Variants in NAGPA observed in about 807,000 individuals in gnomAD.
The protein encoded by NAGPA is N-acetylglucosamine-1-phosphodiester alpha-N-acetylglucosaminidase, also known as alpha-N-acetylglucosaminyl phosphodiesterase.
In NAGPA, 56 loss-of-function variants were observed where a neutral mutation model predicts 48.5. That is an observed-to-expected ratio of 1.15 (90% CI 0.93 to 1.44). The LOEUF (loss-of-function observed/expected upper bound fraction) is 1.44, where lower values mean the gene tolerates loss of function less well. Among genes scored for constraint, NAGPA ranks in the 40% most tolerant of loss-of-function variants. The pLI is 0.00. For missense variants in NAGPA, 888 were observed against 735.0 expected (o/e 1.21, Z -2.41); for synonymous variants, 399 against 315.5 (o/e 1.26, Z -2.81).
At chr16:5,028,723 G>T in intron 5 of NAGPA, 157 bp downstream of exon 5, 1 of 1,141,286 alleles carries the variant, frequency 8.8e-7, no homozygotes, top group Non-Finnish European at 1.3e-6. Context: ...TCCTAGGCCT[G>T]GGTAGTACTG....
chr16:5,025,953 G>A (rs1219464175), intron 9 of NAGPA, among the ~76,000 whole-genome samples: 1 of 148,378 alleles, frequency 6.7e-6, no homozygotes, highest in African/African-American at 2.5e-5. Flanking sequence ...TTTTGAGACA[G>A]AGTCTCGCCC....
chr16:5,033,156 C>G lies in NAGPA; in HGVS notation c.542+117G>C. 8.4e-7 allele frequency: 1 copy of G among 1,195,648 alleles called. No individual in the cohort carries two copies. Among genetic ancestry groups the G allele is most frequent in the Non-Finnish European group, 1.2e-6 (1 of 841,608 alleles). The allele number at this position is 1,195,648 out of a possible 1,614,324, so 74.1% of individuals were successfully genotyped here. On this transcript the variant is annotated intron_variant, in intron 2 of 9. Coordinates refer to ENST00000312251, the MANE Select transcript of NAGPA (RefSeq NM_016256.4). The surrounding 1 kb of genome is among the most constrained non-coding windows in gnomAD (Gnocchi z 4.2). ...CAAGGAAGCGATTCCTATCCCCATT[C>G]TGCAGAGGAGGAAACAGGGGCTCAG...
In NAGPA at chr16:5,027,324, G is replaced by C. The variant is rs779219438; in HGVS notation, c.1230C>G (p.His410Gln). 1.9e-6 allele frequency: 3 copies of C among 1,614,200 alleles called. No individual in the cohort carries two copies. The Admixed American group carries it at 5.0e-5, about 27-fold the overall frequency. ...PGCQRPCKCE[H>Q]HCPCDPKTGN... ...CAGTCTTGGGGTCACAGGGACAATGGTGCTCACACTTACAAGGCCTCTGGC... is the reference window on the plus strand; with the variant it reads ...CAGTCTTGGGGTCACAGGGACAATGCTGCTCACACTTACAAGGCCTCTGGC... Residue 410 changes from histidine (H) to glutamine (Q), a missense_variant, in exon 8 of 10, where the codon CAC becomes CAG. Physicochemically the swap from His to Gln is conservative, Grantham distance 24. Transcript: ENST00000312251.
chr16:5,032,419 G>A (rs577035722), intron 2 of NAGPA, among the ~76,000 whole-genome samples: 44 of 152,262 alleles, frequency 2.9e-4, no homozygotes, highest in Admixed American at 1.8e-3. Context: ...ACTTTGGGAG[G>A]CTGAGGTGGG....
intron 4 of NAGPA, 26 bp downstream of exon 4, chr16:5,030,359 G>A (rs756367160): frequency 2.1e-5 from 32 of 1,541,072 alleles, no homozygotes; most frequent in South Asian, 3.6e-5. Flanking sequence ...AGCCCCGGCC[G>A]GGGGGCCTCA....
rs1344784742 is a variant in NAGPA, at chr16:5,033,693, G to A, written c.122C>T (p.Pro41Leu). 1 of 1,599,838 alleles carries A rather than the reference G, an allele frequency of 6.3e-7. No individual in the cohort carries two copies. The highest frequency in any genetic ancestry group is 8.5e-7 in the Non-Finnish European group (1 of 1,176,996). Reference protein sequence around the residue: ...SRDDDLLLPYPRARARLPRDC... With the variant: ...SRDDDLLLPYLRARARLPRDC... ...CCGGGGGAGGCGCGCGCGCGCGCGTGGATAGGGCAGTAGCAAGTCGTCGTC... is the reference window on the plus strand; with the variant it reads ...CCGGGGGAGGCGCGCGCGCGCGCGTAGATAGGGCAGTAGCAAGTCGTCGTC... Residue 41 changes from proline to leucine, a missense_variant, in exon 2 of 10, where the codon CCA (proline) becomes CTA (leucine). Coordinates refer to ENST00000312251, the MANE Select transcript of NAGPA (RefSeq NM_016256.4). This position sits in a 1 kb window ranked among gnomAD's most constrained non-coding sequence, Gnocchi z 4.2.
intron 5 of NAGPA, chr16:5,028,514 C>T (rs1326789010): frequency 4.5e-5 from 27 of 604,900 alleles, no homozygotes; most frequent in South Asian, 3.4e-4. Context: ...GGATTCCAGG[C>T]GTGAGCCCCT....
At chr16:5,030,174 G>A (rs1415490443) in intron 4 of NAGPA, 2 of 609,442 alleles carry the variant, frequency 3.3e-6, no homozygotes, top group Non-Finnish European at 5.8e-6. Context: ...CAGGAAAGGT[G>A]AGGCCTAAAG....
chr16:5,031,637 G>C (rs1259418684), intron 3 of NAGPA, 108 bp downstream of exon 3: 30 of 1,471,056 alleles, frequency 2.0e-5, no homozygotes, highest in Non-Finnish European at 2.6e-5. Flanking sequence ...AATAGTGCTG[G>C]GCACAAAGTA....
Position 5,027,337 on chromosome 16 carries a change from CAAGG to C in NAGPA, c.1213_1216del (p.Pro405ValfsTer21). 1 of 1,614,174 alleles carries C rather than the reference CAAGG, an allele frequency of 6.2e-7. No individual in the cohort carries two copies. The highest frequency in any genetic ancestry group is 8.5e-7 in the Non-Finnish European group (1 of 1,180,036). On this transcript the variant is annotated frameshift_variant, in exon 8 of 10. Coordinates refer to ENST00000312251, the MANE Select transcript of NAGPA (RefSeq NM_016256.4). LOFTEE classifies it high-confidence loss of function. ...ACAGGGACAATGGTGCTCACACTTA[CAAGG>C]CCTCTGGCAGCCCGGCCCATGCCAG...
intron 3 of NAGPA, 189 bp from the exon 4 acceptor site, chr16:5,030,682 A>C: frequency 1.5e-6 from 1 of 648,450 alleles, no homozygotes; most frequent in Non-Finnish European, 2.8e-6. Flanking sequence ...CTCTTCTTAC[A>C]GGTAAACCAA....
intron 9 of NAGPA, 84 bp from the exon 10 acceptor site, chr16:5,025,769 C>T (rs527490465): frequency 2.5e-5 from 35 of 1,395,864 alleles, no homozygotes; most frequent in East Asian, 7.5e-5. Context: ...TCCCTCTACC[C>T]GGCATAGATA....
chr16:5,029,070 T>C, intron 4 of NAGPA, 62 bp from the exon 5 acceptor site: 1 of 1,603,228 alleles, frequency 6.2e-7, no homozygotes, highest in Non-Finnish European at 8.5e-7. Context: ...TTTAACTCCT[T>C]TTCCTTCCAC....
chr16:5,030,618 C>A, intron 3 of NAGPA, 125 bp from the exon 4 acceptor site: 1 of 798,328 alleles, frequency 1.3e-6, no homozygotes. Flanking sequence ...CCTCCTTGCT[C>A]GTCTCCCTGC....
chr16:5,032,794 C>G lies in NAGPA; in HGVS notation c.542+479G>C, dbSNP rs76209223. Among the ~76,000 whole-genome samples the G allele has an allele frequency of 2.2e-3, 328 of 152,072 alleles. 5 individuals carry two copies. In the East Asian group the frequency reaches 0.055, roughly 25 times the overall value. ...CTCTGAGCCTTTGTGCGTGGGGTTC[C>G]TTTGGACTGAAACGCTCTTCCTCCA... On this transcript the variant is annotated intron_variant, in intron 2 of 9. Coordinates refer to ENST00000312251, the MANE Select transcript of NAGPA (RefSeq NM_016256.4).
Position 5,027,866 on chromosome 16 carries a change from G to A in NAGPA, c.1154C>T (p.Thr385Ile). 1 of 1,573,304 alleles carries A rather than the reference G, an allele frequency of 6.4e-7. No homozygotes were observed. The highest frequency in any genetic ancestry group is 8.6e-7 in the Non-Finnish European group (1 of 1,159,214). ...ETGCRCDAGW[T>I]GSNCSEECPL... is the part of the protein sequence containing the mutation. ...CCTACCTTCACTGCAGTTGGACCCG[G>A]TCCATCCGGCATCACAGCGGCAGCC... The change falls in exon 7 of 10, where the codon ACC becomes ATC. Residue 385 changes from threonine to isoleucine, a missense_variant. By Grantham distance (89) the Thr-to-Ile change is moderately conservative (BLOSUM62 -1). Transcript: ENST00000312251.
chr16:5,029,393 T>C (rs1373006460), intron 4 of NAGPA: 1 of 321,544 alleles, frequency 3.1e-6, no homozygotes, highest in South Asian at 2.6e-5. Flanking sequence ...GGAAGGAACC[T>C]GGGCAGCTTG....
Position 5,027,988 on chromosome 16 carries a change from C to A in NAGPA, c.1118G>T (p.Cys373Phe). 1 of 1,613,774 alleles carries A rather than the reference C, an allele frequency of 6.2e-7. No homozygotes were observed. Among genetic ancestry groups the A allele is most frequent in the Non-Finnish European group, 8.5e-7 (1 of 1,179,868 alleles). The change falls in exon 6 of 10, where the codon TGC becomes TTC. Residue 373 changes from cysteine to phenylalanine, a missense_variant. Coordinates refer to ENST00000312251, the MANE Select transcript of NAGPA (RefSeq NM_016256.4). ...CCAGAACCCCCACTCACTCTCCGTG[C>A]ACAGTCCGTGCTGGCTGCAGTTAGA... ...GPSNCSQHGL[C>F]TETGCRCDAG...
chr16:5,030,822 C>T (rs1956083843), intron 3 of NAGPA, among the ~76,000 whole-genome samples: 1 of 152,210 alleles, frequency 6.6e-6, no homozygotes, highest in Non-Finnish European at 1.5e-5. Context: ...CCCTCACCAC[C>T]CTGCAGCCAC....
Sources: gnomAD v4.1 joint callset for allele counts (sites outside exome capture counted in the v4.1 genomes callset) on GRCh38, gnomAD v4.1.1 for gene constraint, Gnocchi (gnomAD v3.1) non-coding constraint, MANE v1.5 for transcripts, NCBI Gene and HGNC (gene_info 2026-07-23, HGNC 2026-07-21) for gene names.